PTPRD: variants seen among roughly 807,000 people sequenced by gnomAD.
The protein encoded by PTPRD is receptor-type tyrosine-protein phosphatase delta.
Under a neutral mutation model 214.5 loss-of-function variants are expected in PTPRD, and 34 were observed. The ratio of observed to expected loss-of-function variants is 0.16; its 90% CI spans 0.12 to 0.21. PTPRD has a LOEUF of 0.21. Among genes scored for constraint, PTPRD ranks in the 10% least tolerant of loss-of-function variants. The probability of loss-of-function intolerance (pLI) is 1.00; values close to 1 mark genes in which losing one functional copy is unlikely to be tolerated. For missense variants in PTPRD, 2,545 were observed against 2,398.7 expected, an observed-to-expected ratio of 1.06 and a Z score of -1.27; for synonymous variants, 1,128 against 845.7, an observed-to-expected ratio of 1.33 and a Z score of -5.79.
chr9:9,139,923 G>A (rs1346677672), intron 10 of PTPRD, among the ~76,000 whole-genome samples: 2 of 152,092 alleles, frequency 1.3e-5, no homozygotes, highest in South Asian at 2.1e-4. Flanking sequence ...AATTTGAAGA[G>A]TCCTAGTACC....
At chr9:8,586,685 A>C (rs544893144) in intron 14 of PTPRD, among the ~76,000 whole-genome samples, 2 of 152,314 alleles carry the variant, frequency 1.3e-5, no homozygotes, top group East Asian at 3.9e-4. Context: ...TCCTACCCCC[A>C]GTCACTGTCT....
intron 2 of PTPRD, among the ~76,000 whole-genome samples, chr9:10,459,558 A>C (rs113609850): frequency 0.024 from 3,602 of 152,180 alleles, 111 homozygotes; most frequent in African/African-American, 0.074. Flanking sequence ...CCTCTCCAGC[A>C]TCTGTTGTTT....
At chr9:8,321,293 CA>C (rs1827199231) in intron 44 of PTPRD, among the ~76,000 whole-genome samples, 1 of 151,512 alleles carries the variant, frequency 6.6e-6, no homozygotes, top group Non-Finnish European at 1.5e-5. Flanking sequence ...TCGAATGCAA[CA>C]AAAACATTGG....
chr9:8,444,223 T>G (rs1049962927), intron 34 of PTPRD, among the ~76,000 whole-genome samples: 2 of 152,174 alleles, frequency 1.3e-5, no homozygotes, highest in Admixed American at 1.3e-4. Flanking sequence ...TAATAGGGAA[T>G]GAGTTAATAC....
At chr9:10,526,493 T>A (rs28371976) in intron 2 of PTPRD, among the ~76,000 whole-genome samples, 1 of 152,046 alleles carries the variant, frequency 6.6e-6, no homozygotes, top group Non-Finnish European at 1.5e-5. Context: ...GTACATGTTT[T>A]AAAAAATTAT....
intron 7 of PTPRD, among the ~76,000 whole-genome samples, chr9:9,724,399 T>G (rs892564262): frequency 6.6e-6 from 1 of 152,162 alleles, no homozygotes; most frequent in Non-Finnish European, 1.5e-5. Context: ...GTTGTGTGCT[T>G]AATAGGCCTT....
chr9:10,547,790 A>G (rs2060476334), intron 2 of PTPRD, among the ~76,000 whole-genome samples: 1 of 152,134 alleles, frequency 6.6e-6, no homozygotes, highest in Non-Finnish European at 1.5e-5. Flanking sequence ...GGAGGAAGTA[A>G]CAATGACAGA....
chr9:8,907,735 G>C (rs568502912), intron 11 of PTPRD, among the ~76,000 whole-genome samples: 1 of 151,772 alleles, frequency 6.6e-6, no homozygotes, highest in Admixed American at 6.6e-5. Context: ...TCTAAAAAGA[G>C]ATCAACAGAA....
At chr9:8,321,787 A>G (rs916696143) in intron 44 of PTPRD, among the ~76,000 whole-genome samples, 6 of 152,016 alleles carry the variant, frequency 3.9e-5, no homozygotes, top group South Asian at 4.2e-4. Context: ...AATATATACC[A>G]TCTACTTTGT....
chr9:10,062,110 T>C (rs2097786571), intron 3 of PTPRD, among the ~76,000 whole-genome samples: 1 of 152,058 alleles, frequency 6.6e-6, no homozygotes, highest in Non-Finnish European at 1.5e-5. Context: ...CGTATTTCAA[T>C]TTACTCAACT....
intron 4 of PTPRD, among the ~76,000 whole-genome samples, chr9:10,019,595 T>C (rs898317514): frequency 3.3e-5 from 5 of 152,100 alleles, no homozygotes; most frequent in Admixed American, 1.3e-4. Context: ...TACTATGCAT[T>C]CATAAAAAAG....
At chr9:8,703,075 C>T (rs565985018) in intron 12 of PTPRD, among the ~76,000 whole-genome samples, 17 of 152,248 alleles carry the variant, frequency 1.1e-4, no homozygotes, top group Non-Finnish European at 2.1e-4. Flanking sequence ...AGGGTTCCAT[C>T]AAATCAGCAG....
At chr9:10,288,997 T>C (rs551732286) in intron 3 of PTPRD, among the ~76,000 whole-genome samples, 9 of 151,486 alleles carry the variant, frequency 5.9e-5, no homozygotes, top group Admixed American at 1.3e-4. Context: ...CAAAGCTCCC[T>C]AACTTACTCC....
chr9:9,691,695 C>G (rs1321291322), intron 7 of PTPRD, among the ~76,000 whole-genome samples: 1 of 151,948 alleles, frequency 6.6e-6, no homozygotes, highest in Non-Finnish European at 1.5e-5. Context: ...TTTGAGGAAC[C>G]TACAAACTGT....
intron 3 of PTPRD, among the ~76,000 whole-genome samples, chr9:10,097,855 G>A (rs2098507645): frequency 6.6e-6 from 1 of 151,804 alleles, no homozygotes; most frequent in African/African-American, 2.4e-5. Flanking sequence ...TGTCCATTCA[G>A]TATGATATTG....
chr9:8,735,266 C>A (rs2089976190), intron 11 of PTPRD, among the ~76,000 whole-genome samples: 1 of 151,352 alleles, frequency 6.6e-6, no homozygotes. Context: ...GTCTCAGCCA[C>A]CCAAGTAGCT....
intron 10 of PTPRD, among the ~76,000 whole-genome samples, chr9:9,075,003 T>C (rs1350116150): frequency 6.6e-6 from 1 of 151,996 alleles, no homozygotes; most frequent in Non-Finnish European, 1.5e-5. Context: ...ATTTGTTTAA[T>C]GTTTATTGCA....
At chr9:9,595,307 TATATTA>T (rs1281425970) in intron 7 of PTPRD, among the ~76,000 whole-genome samples, 2 of 72,808 alleles carry the variant, frequency 2.7e-5, no homozygotes, top group Non-Finnish European at 8.5e-5. Flanking sequence ...TATATATATA[TATATTA>T]TATATATTTT....
chr9:9,111,855 T>C (rs977742233), intron 10 of PTPRD, among the ~76,000 whole-genome samples: 1 of 152,144 alleles, frequency 6.6e-6, no homozygotes, highest in African/African-American at 2.4e-5. Context: ...TTTTCTCTAT[T>C]TCCACTGCAT....
Sources: gnomAD v4.1 joint callset for allele counts (sites outside exome capture counted in the v4.1 genomes callset) on GRCh38, gnomAD v4.1.1 for gene constraint, MANE v1.5 for transcripts, NCBI Gene and HGNC (gene_info 2026-07-23, HGNC 2026-07-21) for gene names.